Variants in DDX59 observed in about 807,000 individuals in gnomAD.
DDX59 encodes probable ATP-dependent RNA helicase DDX59.
Under a neutral mutation model 51.9 loss-of-function variants are expected in DDX59, and 30 were observed. The observed-to-expected ratio is 0.58, with a 90% CI of 0.43 to 0.78. The LOEUF is 0.78. Among genes scored for constraint, DDX59 ranks in the 30% least tolerant of loss-of-function variants. The pLI is 0.00. For missense variants in DDX59, 672 were observed against 730.8 expected, an observed-to-expected ratio of 0.92 and a Z score of 0.93; for synonymous variants, 255 against 253.3, an observed-to-expected ratio of 1.01 and a Z score of -0.06.
intron 5 of DDX59, among the ~76,000 whole-genome samples, 196 bp from the exon 6 acceptor site, chr1:200,649,422 T>A (rs1212096126): frequency 6.6e-6 from 1 of 151,336 alleles, no homozygotes; most frequent in Non-Finnish European, 1.5e-5. Flanking sequence ...AGGTTAGGAG[T>A]TCGAGACCAG....
chr1:200,647,220 T>A (rs1661345341), intron 7 of DDX59, among the ~76,000 whole-genome samples: 1 of 152,172 alleles, frequency 6.6e-6, no homozygotes, highest in Non-Finnish European at 1.5e-5. Flanking sequence ...GGAAGACAGG[T>A]AGCAGTCAGT....
intron 3 of DDX59, among the ~76,000 whole-genome samples, chr1:200,663,139 T>G (rs1416621644): frequency 6.6e-6 from 1 of 150,630 alleles, no homozygotes; most frequent in Admixed American, 6.6e-5. Context: ...CCCAGCCCCC[T>G]GAGTGCCCTT....
At chr1:200,662,020 C>G (rs1284683460) in intron 3 of DDX59, among the ~76,000 whole-genome samples, 1 of 152,158 alleles carries the variant, frequency 6.6e-6, no homozygotes, top group African/African-American at 2.4e-5. Flanking sequence ...GCTCTGGCCA[C>G]GTGAAGCTCC....
chr1:200,665,631 T>TC (rs1187098957), intron 2 of DDX59, among the ~76,000 whole-genome samples: 1 of 152,206 alleles, frequency 6.6e-6, no homozygotes, highest in Non-Finnish European at 1.5e-5. Flanking sequence ...CTGGATCTTT[T>TC]CCCCCTCAAA....
chr1:200,647,586 T>C lies in DDX59; in HGVS notation c.1596+853A>G, dbSNP rs182066956. Among the ~76,000 whole-genome samples, 708 of 151,934 alleles carry C rather than the reference T, an allele frequency of 4.7e-3. 2 individuals carry two copies. The highest frequency in any genetic ancestry group is 0.016 in the African/African-American group (667 of 41,528). On this transcript the variant is annotated intron_variant, in intron 7 of 7. Transcript: ENST00000331314. Reference sequence around the variant, plus strand: ...TGGTTACTTCTAGTTTTTTTTTTTTTCTAAGGCACTTTAGGCATACTTTTA... The same window carrying C: ...TGGTTACTTCTAGTTTTTTTTTTTTCCTAAGGCACTTTAGGCATACTTTTA...
Position 200,659,089 on chromosome 1 carries a change from G to C in DDX59, c.1000C>G (p.Leu334Val). The C allele has an allele frequency of 6.2e-7, 1 of 1,613,570 alleles. No homozygotes were observed. Residue 334 changes from leucine (L) to valine (V), a missense_variant, in exon 4 of 8, where the codon CTG (leucine) becomes GTG (valine). Leu to Val is a conservative substitution (Grantham distance 32). Coordinates refer to ENST00000331314, the MANE Select transcript of DDX59 (RefSeq NM_001031725.6). ...ACAGAGCTCTGCTTTATTATATCCA[G>C]AAGTCGCCCAGGGGTTGCTATGATA... ...KVIIATPGRL[L>V]DIIKQSSVEL...
intron 7 of DDX59, among the ~76,000 whole-genome samples, chr1:200,647,541 AT>A (rs1324913553): frequency 6.6e-6 from 1 of 151,746 alleles, no homozygotes; most frequent in Non-Finnish European, 1.5e-5. Flanking sequence ...ACTACTTAAA[AT>A]TTTTTTAATT....
Position 200,659,170 on chromosome 1 carries a change from C to A in DDX59, c.973-54G>T. On this transcript the variant is annotated intron_variant, in intron 3 of 7. Transcript: ENST00000331314. ...AAAATCAGTAATAGCTATTTTCATT[C>A]ATTCATTCCATATTGATTGAGCAAC... is the stretch of plus-strand genomic sequence containing the variant. 2.2e-6 allele frequency: 3 copies of A among 1,358,138 alleles called. No homozygotes were observed. In the Admixed American group the frequency reaches 5.2e-5, roughly 23 times the overall value. The allele number at this position is 1,358,138 out of a possible 1,614,324, so 84.1% of individuals were successfully genotyped here.
At chr1:200,642,147 A>G (rs1661067078), downstream of DDX59, among the ~76,000 whole-genome samples, 1 of 152,242 alleles carries the variant, frequency 6.6e-6, no homozygotes, top group South Asian at 2.1e-4. Flanking sequence ...CATATAAAAG[A>G]TGTTTGCTTC....
chr1:200,648,613 G>A, intron 6 of DDX59, 46 bp from the exon 7 acceptor site: 2 of 1,569,788 alleles, frequency 1.3e-6, no homozygotes, highest in South Asian at 2.3e-5. Flanking sequence ...TTTATTTTGT[G>A]TGGTTTTGTG....
In DDX59 at chr1:200,649,211, T is replaced by G; in HGVS notation, c.1330A>C (p.Lys444Gln). The change falls in exon 6 of 8, where the codon AAG (lysine) becomes CAG (glutamine). Residue 444 changes from lysine to glutamine, a missense_variant. Transcript: ENST00000331314. ...FEILNDKKLF[K>Q]PPVLVFVDCK... Reference sequence around the variant, plus strand: ...TCCACAAATACTAACACTGGAGGCTTAAAGAGTTTCTTATCCTGAAAAATT... The same window carrying G: ...TCCACAAATACTAACACTGGAGGCTGAAAGAGTTTCTTATCCTGAAAAATT... The G allele has an allele frequency of 6.4e-7, 1 of 1,569,400 alleles. No individual in the cohort carries two copies. The highest frequency in any genetic ancestry group is 8.6e-7 in the Non-Finnish European group (1 of 1,166,620).
At position 200,666,046 on chromosome 1, in the gene DDX59, T is replaced by C. The variant is rs1252998560; in HGVS notation, c.695A>G (p.Gln232Arg). The C allele has an allele frequency of 1.2e-6, 2 of 1,614,096 alleles. No homozygotes were observed. Among genetic ancestry groups the C allele is most frequent in the African/African-American group, 1.3e-5 (1 of 74,932 alleles). ...TCCCAGAAGTCCCACAGGAATCATC[T>C]GCATTTGAATGGGAGTTGGCACCTC... ...GYEVPTPIQMQMIPVGLLGRD... is the reference protein window; with the variant it reads ...GYEVPTPIQMRMIPVGLLGRD... The change falls in exon 2 of 8, where the codon CAG (glutamine) becomes CGG (arginine). Residue 232 changes from glutamine (Q) to arginine (R), a missense_variant. Transcript: ENST00000331314.
intron 4 of DDX59, among the ~76,000 whole-genome samples, chr1:200,657,180 G>A (rs967023963): frequency 2.0e-5 from 3 of 146,356 alleles, no homozygotes; most frequent in African/African-American, 7.6e-5. Flanking sequence ...GAGCCCAGAT[G>A]GTAGAGGTGG....
At chr1:200,658,077 G>A (rs1039691605) in intron 4 of DDX59, among the ~76,000 whole-genome samples, 15 of 152,156 alleles carry the variant, frequency 9.9e-5, no homozygotes, top group Non-Finnish European at 1.9e-4. Context: ...ACTTACTGGG[G>A]CCCATGGAAG....
At chr1:200,657,056 C>A (rs1292532217) in intron 4 of DDX59, among the ~76,000 whole-genome samples, 2 of 151,990 alleles carry the variant, frequency 1.3e-5, no homozygotes, top group African/African-American at 4.8e-5. Flanking sequence ...TTGAGACCAG[C>A]CTGGCCAACA....
rs546799731 is a variant in DDX59, at chr1:200,644,523, A to G, written c.1597-6T>C. 1 of 1,553,858 alleles carries G rather than the reference A, an allele frequency of 6.4e-7. No individual in the cohort carries two copies. The highest frequency in any genetic ancestry group is 1.4e-5 in the African/African-American group (1 of 72,086). On this transcript the variant is annotated splice_polypyrimidine_tract_variant and splice_region_variant and intron_variant, in intron 7 of 7. Transcript: ENST00000331314. ...AATCTTCCTACTCTTCCAATCTGAA[A>G]TAAAATGCAAAGAACATTTTCAAGA... is the stretch of plus-strand genomic sequence containing the variant.
intron 2 of DDX59, 30 bp downstream of exon 2, chr1:200,665,907 A>G (rs1662694682): frequency 6.5e-7 from 1 of 1,535,114 alleles, no homozygotes; most frequent in Non-Finnish European, 8.8e-7. Flanking sequence ...TCCAAGAATA[A>G]TACATGTGAA....
chr1:200,665,856 AAT>A, intron 2 of DDX59, 79 bp downstream of exon 2: 3 of 1,427,272 alleles, frequency 2.1e-6, no homozygotes, highest in Non-Finnish European at 2.8e-6. Flanking sequence ...CTGCAATTTT[AAT>A]ATAGTTAAAA....
chr1:200,663,812 G>T, intron 3 of DDX59, 107 bp downstream of exon 3: 1 of 1,091,564 alleles, frequency 9.2e-7, no homozygotes, highest in Non-Finnish European at 1.2e-6. Flanking sequence ...AGAATTTAAA[G>T]GCTCTCTAAA....
Sources: allele counts gnomAD v4.1 joint callset (sites outside exome capture counted in the v4.1 genomes callset), GRCh38; gene constraint gnomAD v4.1.1; transcripts MANE v1.5; gene names NCBI Gene and HGNC (gene_info 2026-07-23, HGNC 2026-07-21).